The following ADGRB3 variants were observed in gnomAD, a reference collection of about 807,000 sequenced individuals.
The protein encoded by ADGRB3 is brain-specific angiogenesis inhibitor 3.
ADGRB3 carries 37 observed loss-of-function variants against 193.4 expected under a neutral mutation model. The ratio of observed to expected loss-of-function variants is 0.19; its 90% CI spans 0.15 to 0.25. ADGRB3 has a LOEUF of 0.25. Among genes scored for constraint, ADGRB3 ranks in the 10% least tolerant of loss-of-function variants. The pLI is 1.00. For synonymous variants in ADGRB3, 690 were observed against 644.2 expected (o/e 1.07, Z -1.08); for missense variants, 1,637 against 1,852.9 (o/e 0.88, Z 2.14).
chr6:69,186,178 C>CAAAA (rs70987457), intron 17 of ADGRB3, among the ~76,000 whole-genome samples: 84 of 107,436 alleles, frequency 7.8e-4, no homozygotes, highest in African/African-American at 2.2e-3. Context: ...AATGAAATAG[C>CAAAA]AAAAAAAAAA....
At position 69,382,943 on chromosome 6, in the gene ADGRB3, T is replaced by G. The variant is rs141614286; in HGVS notation, c.4380+8T>G. ...CCAAATACAAGCAGTATGGTAAGTA[T>G]GCTTTGCTTCAATGCCTGAGTAGAA... is the stretch of plus-strand genomic sequence containing the variant. On this transcript the variant is annotated splice_region_variant and intron_variant, in intron 31 of 31. Transcript: ENST00000370598. 6.4e-7 allele frequency: 1 copy of G among 1,573,314 alleles called. No homozygotes were observed. The highest frequency in any genetic ancestry group is 2.3e-5 in the East Asian group (1 of 44,046).
At chr6:69,318,580 T>C (rs906530302) in intron 20 of ADGRB3, among the ~76,000 whole-genome samples, 2 of 151,430 alleles carry the variant, frequency 1.3e-5, no homozygotes, top group East Asian at 1.9e-4. Context: ...AAAAAATGAG[T>C]TGGATACTTC....
intron 10 of ADGRB3, among the ~76,000 whole-genome samples, chr6:68,984,023 G>A (rs181314281): frequency 1.9e-3 from 294 of 152,244 alleles, no homozygotes; most frequent in Middle Eastern, 0.01. Context: ...CTTTAAGAAA[G>A]CAAAAAGATC....
intron 15 of ADGRB3, among the ~76,000 whole-genome samples, chr6:69,054,728 T>A (rs1205010681): frequency 1.3e-5 from 2 of 152,208 alleles, no homozygotes; most frequent in African/African-American, 4.8e-5. Context: ...CTTGGCATTT[T>A]TAAAATTCTA....
intron 3 of ADGRB3, among the ~76,000 whole-genome samples, chr6:68,644,018 C>CAA (rs1056600777): frequency 7.1e-6 from 1 of 141,234 alleles, no homozygotes; most frequent in Non-Finnish European, 1.6e-5. Flanking sequence ...AAACAACAAA[C>CAA]AAAAAAAAAA....
intron 20 of ADGRB3, among the ~76,000 whole-genome samples, chr6:69,290,452 T>TGA (rs57690559): frequency 0.047 from 6,934 of 148,156 alleles, 496 homozygotes; most frequent in African/African-American, 0.16. Flanking sequence ...AAATTGAGAC[T>TGA]GAGAGAGAGA....
At chr6:68,898,622 T>C (rs1766308077) in intron 3 of ADGRB3, among the ~76,000 whole-genome samples, 1 of 152,096 alleles carries the variant, frequency 6.6e-6, no homozygotes, top group East Asian at 1.9e-4. Flanking sequence ...GGACTTCACA[T>C]AGTGAATTTC....
chr6:69,299,812 G>A (rs1431518959), intron 20 of ADGRB3, among the ~76,000 whole-genome samples: 1 of 151,780 alleles, frequency 6.6e-6, no homozygotes, highest in Admixed American at 6.6e-5. Context: ...AAGTCAGGTA[G>A]CATGATACCT....
At chr6:69,131,202 G>A (rs2050034178) in intron 17 of ADGRB3, among the ~76,000 whole-genome samples, 2 of 152,022 alleles carry the variant, frequency 1.3e-5, no homozygotes, top group Non-Finnish European at 2.9e-5. Flanking sequence ...TATTGCAGAA[G>A]TCAAAGCAAG....
intron 17 of ADGRB3, among the ~76,000 whole-genome samples, chr6:69,223,896 A>G (rs553210399): frequency 6.6e-6 from 1 of 152,018 alleles, no homozygotes; most frequent in African/African-American, 2.4e-5. Flanking sequence ...GCCTCAAGTA[A>G]TCTGTCCACC....
intron 3 of ADGRB3, among the ~76,000 whole-genome samples, chr6:68,742,297 G>T (rs758082469): frequency 3.0e-4 from 45 of 151,748 alleles, no homozygotes; most frequent in Non-Finnish European, 6.0e-4. Flanking sequence ...TATATATTAT[G>T]TCTCAACATA....
chr6:69,236,827 T>A (rs565853403), intron 19 of ADGRB3, among the ~76,000 whole-genome samples: 1 of 152,116 alleles, frequency 6.6e-6, no homozygotes, highest in South Asian at 2.1e-4. Flanking sequence ...AGAAAGTCAC[T>A]ACTACAATAG....
rs574906625 is a variant in ADGRB3, at chr6:69,049,711, A to G, written c.2333+365A>G. 3.3e-5 allele frequency among the ~76,000 whole-genome samples: 5 copies of G among 152,288 alleles called. No homozygotes were observed. The South Asian group carries it at 8.3e-4, about 25-fold the overall frequency. ...GTACTTAATGGTACTGTTCATCAAC[A>G]TGACGTGAAATTAAAGGAGTGTCAT... On this transcript the variant is annotated intron_variant, in intron 15 of 31. Transcript: ENST00000370598.
intron 3 of ADGRB3, among the ~76,000 whole-genome samples, chr6:68,792,539 G>A (rs553817529): frequency 6.6e-6 from 1 of 152,264 alleles, no homozygotes; most frequent in East Asian, 1.9e-4. Flanking sequence ...CCCTGTCTCT[G>A]AGCTGAATTC....
chr6:69,050,169 T>C (rs1562137794), intron 15 of ADGRB3, among the ~76,000 whole-genome samples: 2 of 152,158 alleles, frequency 1.3e-5, no homozygotes, highest in Non-Finnish European at 2.9e-5. Context: ...TGTGCAGTTA[T>C]ACTGCGGACA....
rs1286692665 is a variant in ADGRB3 at position 68,936,624 on chromosome 6, A to G, written c.974A>G (p.His325Arg). The G allele has an allele frequency of 1.2e-6, 2 of 1,613,810 alleles. No homozygotes were observed. The highest frequency in any genetic ancestry group is 2.7e-5 in the African/African-American group (2 of 74,930). Reference sequence around the variant, plus strand: ...ACTTGTGTATCACCTTACGGGACACACTGCAGCGGCCCATTAAGAGAATCA... The same window carrying G: ...ACTTGTGTATCACCTTACGGGACACGCTGCAGCGGCCCATTAAGAGAATCA... Reference protein sequence around the residue: ...TRTCVSPYGTHCSGPLRESRV... With the variant: ...TRTCVSPYGTRCSGPLRESRV... The change falls in exon 5 of 32, where the codon CAC (histidine) becomes CGC (arginine). Residue 325 changes from histidine (H) to arginine (R), a missense_variant. Physicochemically the swap from His to Arg is conservative, Grantham distance 29. Coordinates refer to ENST00000370598, the MANE Select transcript of ADGRB3 (RefSeq NM_001704.3).
chr6:68,920,467 G>A (rs112125022), intron 3 of ADGRB3, among the ~76,000 whole-genome samples: 2,793 of 140,532 alleles, frequency 0.02, 84 homozygotes, highest in African/African-American at 0.07. Context: ...GCAGTGAGCC[G>A]AGATCCGCCA....
chr6:69,128,552 T>C (rs2150333099), intron 17 of ADGRB3, among the ~76,000 whole-genome samples: 1 of 152,188 alleles, frequency 6.6e-6, no homozygotes, highest in East Asian at 1.9e-4. Context: ...ACAGTAGATA[T>C]AAACTCACCC....
chr6:69,233,710 CAACTT>C (rs150853944), intron 18 of ADGRB3, among the ~76,000 whole-genome samples: 1 of 152,228 alleles, frequency 6.6e-6, no homozygotes, highest in African/African-American at 2.4e-5. Flanking sequence ...AAATAATTGT[CAACTT>C]AACCTTTATT....
Sources: allele counts gnomAD v4.1 joint callset (sites outside exome capture counted in the v4.1 genomes callset), GRCh38; gene constraint gnomAD v4.1.1; transcripts MANE v1.5; gene names NCBI Gene and HGNC (gene_info 2026-07-23, HGNC 2026-07-21).